Variants in TMEM45B observed in about 807,000 individuals in gnomAD.
The protein encoded by TMEM45B is transmembrane protein 45B.
TMEM45B carries 29 observed loss-of-function variants against 27.3 expected under a neutral mutation model. The ratio of observed to expected loss-of-function variants is 1.06; its 90% CI spans 0.79 to 1.45. The LOEUF (loss-of-function observed/expected upper bound fraction) is 1.45. Ranked by LOEUF, TMEM45B falls within the 40% of genes most tolerant of loss-of-function variation. The pLI, the probability that TMEM45B is intolerant of heterozygous loss-of-function variation, is 0.00. For missense variants in TMEM45B, 348 were observed against 343.9 expected (o/e 1.01, Z -0.09); for synonymous variants, 143 against 134.7 (o/e 1.06, Z -0.43).
rs142076482 is a variant in TMEM45B at position 129,854,606 on chromosome 11, G to T, written c.179-4G>T. 23 of 1,614,054 alleles carry T rather than the reference G, an allele frequency of 1.4e-5. No homozygotes were observed. Among genetic ancestry groups the T allele is most frequent in the Middle Eastern group, 1.7e-4 (1 of 6,056 alleles). ...CTAAAACATCCATCCTCATTTCCCT[G>T]CAGGGATCCTGGCAGAGCAGTTTGT... On this transcript the variant is annotated splice_region_variant and splice_polypyrimidine_tract_variant and intron_variant, in intron 2 of 5. Transcript: ENST00000281441.
Position 129,826,567 on chromosome 11 carries a change from A to AAAAAAAT in TMEM45B, c.-9+10670_-9+10671insAAAAATA, listed in dbSNP as rs1199881268. On this transcript the variant is annotated intron_variant, in intron 1 of 5. Coordinates refer to ENST00000281441, the MANE Select transcript of TMEM45B (RefSeq NM_138788.5). The stretch of plus-strand genomic sequence containing the variant: ...CTGTCACAAAAAAAAAAAAAAAAAA[A>AAAAAAAT]AGGACCCTGAGAGGCTATGTGTCTT... Among the ~76,000 whole-genome samples, 90 of 96,112 alleles carry AAAAAAAT rather than the reference A, an allele frequency of 9.4e-4. 7 individuals carry two copies. Among genetic ancestry groups the AAAAAAAT allele is most frequent in the Middle Eastern group, 0.018 (2 of 114 alleles). 63.1% of individuals were successfully genotyped at this position (96,112 alleles called of 152,430 possible).
intron 5 of TMEM45B, among the ~76,000 whole-genome samples, chr11:129,858,022 ACT>A (rs1412515540): frequency 6.6e-6 from 1 of 152,154 alleles, no homozygotes; most frequent in Non-Finnish European, 1.5e-5. Context: ...TGAAGTATGC[ACT>A]GTTATTTTTT....
rs1012214948 is a variant in TMEM45B, at chr11:129,859,214, A to G, written c.*529A>G. On this transcript the variant is annotated 3_prime_UTR_variant, in exon 6 of 6. Transcript: ENST00000281441. ...TAATTCACAAGCTTTGGTATTTTAA[A>G]ATTATTGTTAAACATATCATAACTA... is the stretch of plus-strand genomic sequence containing the variant. 2.6e-5 allele frequency: 4 copies of G among 152,286 alleles called. No homozygotes were observed. Among genetic ancestry groups the G allele is most frequent in the African/African-American group, 9.6e-5 (4 of 41,462 alleles). 9.4% of individuals were successfully genotyped at this position (152,286 alleles called of 1,614,324 possible).
intron 1 of TMEM45B, among the ~76,000 whole-genome samples, chr11:129,846,052 C>G (rs1947756629): frequency 6.6e-6 from 1 of 152,140 alleles, no homozygotes; most frequent in Admixed American, 6.5e-5. Flanking sequence ...GTTAAAATGT[C>G]TAGAATTTAA....
intron 1 of TMEM45B, among the ~76,000 whole-genome samples, chr11:129,845,337 A>ATGTGTATG (rs1947746276): frequency 8.2e-6 from 1 of 121,462 alleles, no homozygotes; most frequent in Admixed American, 8.1e-5. Flanking sequence ...GCTATTATAG[A>ATGTGTATG]TGTGTGTGTG....
At chr11:129,852,424 T>A in intron 1 of TMEM45B, 51 bp from the exon 2 acceptor site, 1 of 1,512,072 alleles carries the variant, frequency 6.6e-7, no homozygotes, top group East Asian at 2.3e-5. Flanking sequence ...AAAATATACA[T>A]TTGTTTGCTT....
chr11:129,826,733 A>C (rs1314400285), intron 1 of TMEM45B, among the ~76,000 whole-genome samples: 1 of 140,262 alleles, frequency 7.1e-6, no homozygotes, highest in Non-Finnish European at 1.5e-5. Flanking sequence ...TTTGAGACGG[A>C]GTCTCGATCT....
intron 5 of TMEM45B, among the ~76,000 whole-genome samples, chr11:129,858,364 G>A (rs1947959481): frequency 6.6e-6 from 1 of 152,148 alleles, no homozygotes; most frequent in Non-Finnish European, 1.5e-5. Flanking sequence ...GCAAGACCTT[G>A]GCCTCAATTA....
rs879448237 is a variant in TMEM45B, at chr11:129,858,692, A to G, written c.*7A>G. 1 of 1,549,070 alleles carries G rather than the reference A, an allele frequency of 6.5e-7. No homozygotes were observed. Among genetic ancestry groups the G allele is most frequent in the Non-Finnish European group, 8.7e-7 (1 of 1,143,330 alleles). ...TGGCTCAGATGAGGAATGAGCCGAG[A>G]TGCGGAGGGCGCAGATGTCCCACTG... On this transcript the variant is annotated 3_prime_UTR_variant, in exon 6 of 6. Transcript: ENST00000281441.
intron 1 of TMEM45B, among the ~76,000 whole-genome samples, chr11:129,849,440 TG>T (rs1947813564): frequency 6.6e-6 from 1 of 152,208 alleles, no homozygotes; most frequent in Admixed American, 6.5e-5. Flanking sequence ...GGGTGGGTGT[TG>T]GGCCCCCAAG....
At chr11:129,835,332 G>T (rs770793087) in intron 1 of TMEM45B, among the ~76,000 whole-genome samples, 1 of 152,164 alleles carries the variant, frequency 6.6e-6, no homozygotes, top group African/African-American at 2.4e-5. Flanking sequence ...TCAGCAAGTC[G>T]GGAACAGAGA....
At chr11:129,817,761 C>T (rs1215835091) in intron 1 of TMEM45B, among the ~76,000 whole-genome samples, 1 of 152,166 alleles carries the variant, frequency 6.6e-6, no homozygotes, top group East Asian at 1.9e-4. Flanking sequence ...TCTCATCTCC[C>T]CCCTACCTGC....
At chr11:129,840,146 A>C (rs1296102767) in intron 1 of TMEM45B, among the ~76,000 whole-genome samples, 2 of 152,194 alleles carry the variant, frequency 1.3e-5, no homozygotes, top group East Asian at 3.8e-4. Context: ...CGTGTTCCAT[A>C]ATGTAGCTAA....
chr11:129,852,111 TA>T (rs2135598832), intron 1 of TMEM45B, among the ~76,000 whole-genome samples: 1 of 152,358 alleles, frequency 6.6e-6, no homozygotes, highest in African/African-American at 2.4e-5. Context: ...TTCTTGATAT[TA>T]AAAGATGCTT....
chr11:129,826,324 C>G (rs868326280), intron 1 of TMEM45B, among the ~76,000 whole-genome samples: 1 of 151,894 alleles, frequency 6.6e-6, no homozygotes, highest in Admixed American at 6.6e-5. Flanking sequence ...CCGAGGCGGG[C>G]GGATCACGAG....
chr11:129,852,013 C>T (rs890936349), intron 1 of TMEM45B, among the ~76,000 whole-genome samples: 7 of 152,296 alleles, frequency 4.6e-5, no homozygotes, highest in South Asian at 2.1e-4. Context: ...TATTCTTCTA[C>T]GGTCTTTTTC....
intron 1 of TMEM45B, among the ~76,000 whole-genome samples, chr11:129,840,946 T>TAAAAAAAA (rs55905045): frequency 3.4e-5 from 1 of 29,274 alleles, no homozygotes; most frequent in Non-Finnish European, 6.9e-5. Flanking sequence ...TTTCTTTCTG[T>TAAAAAAAA]AAAAAAAAAA....
At chr11:129,842,201 A>G (rs552074821) in intron 1 of TMEM45B, among the ~76,000 whole-genome samples, 1 of 152,370 alleles carries the variant, frequency 6.6e-6, no homozygotes, top group African/African-American at 2.4e-5. Flanking sequence ...GTCCCCACAT[A>G]CGTGTAATGG....
At chr11:129,840,735 A>T (rs534968740) in intron 1 of TMEM45B, among the ~76,000 whole-genome samples, 1 of 152,012 alleles carries the variant, frequency 6.6e-6, no homozygotes, top group South Asian at 2.1e-4. Context: ...ATACAAAAAA[A>T]TTAGCTGGGC....
Sources: gnomAD v4.1 joint callset for allele counts (sites outside exome capture counted in the v4.1 genomes callset) on GRCh38, gnomAD v4.1.1 for gene constraint, MANE v1.5 for transcripts, NCBI Gene and HGNC (gene_info 2026-07-23, HGNC 2026-07-21) for gene names.